The following GALNT13 variants were observed in gnomAD, a reference collection of about 807,000 sequenced individuals.
The protein encoded by GALNT13 is polypeptide N-acetylgalactosaminyltransferase 13, also known as UDP-GalNAc:polypeptide N-acetylgalactosaminyltransferase 13.
GALNT13 carries 28 observed loss-of-function variants against 64.2 expected under a neutral mutation model. That is an observed-to-expected ratio of 0.44 (90% CI 0.32 to 0.60). The LOEUF is 0.60. Ranked by LOEUF, GALNT13 falls within the 20% of genes least tolerant of loss-of-function variation. The pLI is 0.05. For synonymous variants in GALNT13, 214 were observed against 224.6 expected (o/e 0.95, Z 0.42); for missense variants, 577 against 669.8 (o/e 0.86, Z 1.53).
the GALNT13 span, among the ~76,000 whole-genome samples, chr2:153,552,568 T>G: frequency 1.4e-4 from 21 of 145,990 alleles, no homozygotes; most frequent in African/African-American, 2.7e-4. Context: ...TCTGCCTGCT[T>G]CTTCTTCTTT....
the GALNT13 span, among the ~76,000 whole-genome samples, chr2:153,401,191 G>C: frequency 6.6e-6 from 1 of 152,164 alleles, no homozygotes; most frequent in African/African-American, 2.4e-5. Context: ...GTACCCAGTA[G>C]TCATTCAGGA....
chr2:154,450,654 C>A lies in GALNT13; in HGVS notation c.*103C>A. On this transcript the variant is annotated 3_prime_UTR_variant, in exon 13 of 13. Transcript: ENST00000392825. The stretch of plus-strand genomic sequence containing the variant: ...TGCTGAATTGAAAGTTTTAAAAATC[C>A]TTTTAGTATTCTAAAACACAATTGT... 2 of 1,084,380 alleles carry A rather than the reference C, an allele frequency of 1.8e-6. No homozygotes were observed. The highest frequency in any genetic ancestry group is 1.9e-5 in the South Asian group (1 of 51,292). The allele number at this position is 1,084,380 out of a possible 1,614,324, so 67.2% of individuals were successfully genotyped here. A position where few individuals can be genotyped will look rare whatever the true frequency, so the allele number is the denominator to read the frequency against.
rs1019800537 is a variant in GALNT13 at position 153,884,858 on chromosome 2, C to T, written c.-177+12555C>T. 2.4e-3 allele frequency among the ~76,000 whole-genome samples: 32 copies of T among 13,246 alleles called. 1 individual carries two copies. The South Asian group carries it at 0.046, about 19-fold the overall frequency. The allele number at this position is 13,246 out of a possible 152,430, so 8.7% of individuals were successfully genotyped here. A position where few individuals can be genotyped will look rare whatever the true frequency, so the allele number is the denominator to read the frequency against. On this transcript the variant is annotated intron_variant, in intron 1 of 12. Coordinates refer to ENST00000392825, the MANE Select transcript of GALNT13 (RefSeq NM_052917.4). ...GTGTGTGTGTGTATATATGTATATA[C>T]ACACACACACACACACACACACACA...
At chr2:153,801,342 T>TC in the GALNT13 span, among the ~76,000 whole-genome samples, 2 of 152,044 alleles carry the variant, frequency 1.3e-5, no homozygotes, top group East Asian at 3.8e-4. Context: ...TTTTTTTTTT[T>TC]CTATGCTTAA....
the GALNT13 span, among the ~76,000 whole-genome samples, chr2:153,328,946 G>C: frequency 1.3e-5 from 2 of 152,102 alleles, no homozygotes; most frequent in African/African-American, 4.8e-5. Flanking sequence ...ATAGGCACCC[G>C]AGGGAATCTC....
intron 3 of GALNT13, among the ~76,000 whole-genome samples, chr2:154,131,223 T>C (rs989769803): frequency 2.0e-5 from 3 of 149,254 alleles, no homozygotes; most frequent in Admixed American, 6.6e-5. Flanking sequence ...GACTGTAACA[T>C]GTGCCAAACA....
chr2:153,647,068 A>C, the GALNT13 span, among the ~76,000 whole-genome samples: 45 of 152,286 alleles, frequency 3.0e-4, no homozygotes, highest in African/African-American at 9.9e-4. Context: ...GAACTAGTTT[A>C]CAGTCCCACC....
chr2:154,300,831 G>T (rs375516811), intron 8 of GALNT13, among the ~76,000 whole-genome samples: 14 of 152,054 alleles, frequency 9.2e-5, no homozygotes, highest in Non-Finnish European at 1.6e-4. Flanking sequence ...AATAAAAAAG[G>T]TACACATTAC....
At chr2:154,230,340 A>C (rs1448652726) in intron 4 of GALNT13, among the ~76,000 whole-genome samples, 1 of 152,170 alleles carries the variant, frequency 6.6e-6, no homozygotes, top group Non-Finnish European at 1.5e-5. Flanking sequence ...TATTTATTCC[A>C]GGCAACTAAT....
At chr2:153,276,273 C>T in the GALNT13 span, among the ~76,000 whole-genome samples, 14 of 151,966 alleles carry the variant, frequency 9.2e-5, no homozygotes, top group Non-Finnish European at 1.3e-4. Flanking sequence ...AAGGTTTATA[C>T]TTTCATTTAC....
chr2:154,360,728 T>G, intron 9 of GALNT13, among the ~76,000 whole-genome samples: 1 of 152,082 alleles, frequency 6.6e-6, no homozygotes, highest in East Asian at 1.9e-4. Context: ...CCAAGTAACA[T>G]ACTGTGTACT....
chr2:153,903,380 G>C (rs1431248347), intron 2 of GALNT13, among the ~76,000 whole-genome samples: 1 of 151,920 alleles, frequency 6.6e-6, no homozygotes, highest in Non-Finnish European at 1.5e-5. Context: ...TTTTCTATTA[G>C]GTTAATGTAA....
chr2:154,409,153 T>C, intron 11 of GALNT13, 71 bp downstream of exon 11: 1 of 903,044 alleles, frequency 1.1e-6, no homozygotes, highest in Non-Finnish European at 1.9e-6. Context: ...GTGGAGACCA[T>C]GGCTCACATG....
chr2:153,998,177 T>A (rs1695651990), intron 3 of GALNT13, among the ~76,000 whole-genome samples: 1 of 152,164 alleles, frequency 6.6e-6, no homozygotes, highest in Non-Finnish European at 1.5e-5. Context: ...GATTGCTGGG[T>A]CAAATGGTAT....
intron 9 of GALNT13, among the ~76,000 whole-genome samples, chr2:154,309,748 A>C (rs1234314799): frequency 6.6e-6 from 1 of 152,146 alleles, no homozygotes; most frequent in Non-Finnish European, 1.5e-5. Context: ...GGGCAGGAAC[A>C]AACCTCATCC....
At chr2:154,014,473 C>T (rs1696860701) in intron 3 of GALNT13, among the ~76,000 whole-genome samples, 1 of 151,824 alleles carries the variant, frequency 6.6e-6, no homozygotes, top group South Asian at 2.1e-4. Context: ...TCTTCATCCT[C>T]CTTCCGTCCA....
the GALNT13 span, among the ~76,000 whole-genome samples, chr2:153,718,414 G>GT: frequency 0.036 from 5,106 of 142,522 alleles, 249 homozygotes; most frequent in African/African-American, 0.11. Context: ...AGCTTAAAGG[G>GT]TTTTTTTTTT....
At chr2:154,287,215 G>C (rs1046206572) in intron 8 of GALNT13, 8 of 1,324,968 alleles carry the variant, frequency 6.0e-6, no homozygotes, top group Non-Finnish European at 7.5e-6. Context: ...TGGTGGAAAA[G>C]GCTGAGCATC....
chr2:154,101,520 G>A (rs995559753), intron 3 of GALNT13, among the ~76,000 whole-genome samples: 2 of 151,826 alleles, frequency 1.3e-5, no homozygotes, highest in African/African-American at 2.4e-5. Flanking sequence ...ATTTTTGATT[G>A]CGCTTATTTG....
Sources: allele counts gnomAD v4.1 joint callset (sites outside exome capture counted in the v4.1 genomes callset), GRCh38; gene constraint gnomAD v4.1.1; transcripts MANE v1.5; gene names NCBI Gene and HGNC (gene_info 2026-07-23, HGNC 2026-07-21).